The following ITPRID1 variants were observed in gnomAD, a reference collection of about 807,000 sequenced individuals.
ITPRID1 encodes ITPR interacting domain containing 1, also known as protein ITPRID1.
ITPRID1 carries 96 observed loss-of-function variants against 95.4 expected under a neutral mutation model. That is an observed-to-expected ratio of 1.01 (90% CI 0.85 to 1.19). ITPRID1 has a LOEUF of 1.19. Ranked by LOEUF, ITPRID1 falls within the 50% of genes most tolerant of loss-of-function variation. The pLI, the probability that ITPRID1 is intolerant of heterozygous loss-of-function variation, is 0.00. For missense variants in ITPRID1, 1,339 were observed against 1,252.9 expected, an observed-to-expected ratio of 1.07 and a Z score of -1.04; for synonymous variants, 510 against 453.6, an observed-to-expected ratio of 1.12 and a Z score of -1.58.
At chr7:31,569,711 A>G in intron 5 of ITPRID1, 47 bp from the exon 6 acceptor site, 1 of 1,520,330 alleles carries the variant, frequency 6.6e-7, no homozygotes, top group Non-Finnish European at 8.9e-7. Flanking sequence ...AATCTTCCGC[A>G]AGATAAAACG....
intron 10 of ITPRID1, among the ~76,000 whole-genome samples, chr7:31,583,405 C>T (rs1460163774): frequency 6.6e-6 from 1 of 152,046 alleles, no homozygotes; most frequent in African/African-American, 2.4e-5. Context: ...ACGTGGGGAT[C>T]GCCTGAGGTC....
At chr7:31,579,552 A>G (rs554496951) in intron 9 of ITPRID1, among the ~76,000 whole-genome samples, 1 of 152,268 alleles carries the variant, frequency 6.6e-6, no homozygotes, top group East Asian at 1.9e-4. Context: ...CTATACAGAC[A>G]TATTTTCGGG....
At chr7:31,558,380 C>T (rs1784520080) in intron 5 of ITPRID1, among the ~76,000 whole-genome samples, 2 of 152,180 alleles carry the variant, frequency 1.3e-5, no homozygotes, top group South Asian at 4.1e-4. Context: ...GTCACTGGCA[C>T]TTCTCCCTCC....
At chr7:31,640,414 T>C (rs80212578) in intron 10 of ITPRID1, among the ~76,000 whole-genome samples, 30,200 of 152,122 alleles carry the variant, frequency 0.2, 3,557 homozygotes, top group East Asian at 0.44. Flanking sequence ...CTCCTTCCTC[T>C]CCTCTGTGTG....
intron 10 of ITPRID1, among the ~76,000 whole-genome samples, chr7:31,632,773 TTAAG>T (rs1789129352): frequency 1.3e-5 from 2 of 152,242 alleles, no homozygotes; most frequent in Admixed American, 6.5e-5. Context: ...ACAGCAAGCA[TTAAG>T]TAAGAGCCTA....
chr7:31,521,163 A>C (rs117519183), intron 1 of ITPRID1, among the ~76,000 whole-genome samples: 1,799 of 152,104 alleles, frequency 0.012, 18 homozygotes, highest in Non-Finnish European at 0.019. Flanking sequence ...CTAAAGTAGA[A>C]ACTTAGACTG....
At chr7:31,628,025 A>G (rs1788634029) in intron 10 of ITPRID1, among the ~76,000 whole-genome samples, 1 of 152,200 alleles carries the variant, frequency 6.6e-6, no homozygotes, top group African/African-American at 2.4e-5. Flanking sequence ...GGTTAATAAG[A>G]GCAGAAAGTC....
At chr7:31,559,195 C>G (rs1583497064) in intron 5 of ITPRID1, among the ~76,000 whole-genome samples, 1 of 152,066 alleles carries the variant, frequency 6.6e-6, no homozygotes, top group East Asian at 1.9e-4. Flanking sequence ...AAATGAGCTC[C>G]CTTCCACTGC....
At chr7:31,566,325 G>C in intron 5 of ITPRID1, among the ~76,000 whole-genome samples, 1 of 152,202 alleles carries the variant, frequency 6.6e-6, no homozygotes, top group Non-Finnish European at 1.5e-5. Context: ...CCAGATCCCT[G>C]GCCTGATGTA....
intron 10 of ITPRID1, among the ~76,000 whole-genome samples, chr7:31,593,635 A>G (rs534691670): frequency 6.6e-6 from 1 of 152,318 alleles, no homozygotes; most frequent in Admixed American, 6.5e-5. Context: ...AATTTTCCTA[A>G]TTACTTTAAA....
intron 10 of ITPRID1, among the ~76,000 whole-genome samples, chr7:31,590,057 T>C (rs1234592338): frequency 6.6e-6 from 1 of 152,052 alleles, no homozygotes; most frequent in Non-Finnish European, 1.5e-5. Flanking sequence ...TGTGTGTATA[T>C]ATATACACAC....
At chr7:31,641,411 T>A (rs1562646826) in intron 10 of ITPRID1, among the ~76,000 whole-genome samples, 1 of 152,002 alleles carries the variant, frequency 6.6e-6, no homozygotes. Flanking sequence ...ACCCCCTTCC[T>A]CCTGAGAGAC....
chr7:31,545,658 G>A (rs1784073465), intron 1 of ITPRID1, among the ~76,000 whole-genome samples: 2 of 152,026 alleles, frequency 1.3e-5, no homozygotes, highest in South Asian at 4.1e-4. Flanking sequence ...TCCAGCTTGG[G>A]CACAACTGCC....
At chr7:31,522,019 C>CA (rs1331069906) in intron 1 of ITPRID1, among the ~76,000 whole-genome samples, 2 of 148,476 alleles carry the variant, frequency 1.3e-5, no homozygotes, top group South Asian at 2.1e-4. Context: ...GGAAAAAAAG[C>CA]AAAAACCAGA....
intron 1 of ITPRID1, among the ~76,000 whole-genome samples, chr7:31,540,843 A>G (rs1783911166): frequency 6.6e-6 from 1 of 152,052 alleles, no homozygotes; most frequent in Non-Finnish European, 1.5e-5. Context: ...CTGATCAGAA[A>G]CCCTCTACAG....
chr7:31,600,906 T>C (rs941471209), intron 10 of ITPRID1, among the ~76,000 whole-genome samples: 2 of 152,138 alleles, frequency 1.3e-5, no homozygotes, highest in African/African-American at 4.8e-5. Context: ...TGCCAAGTTA[T>C]CGTTTTTAAA....
intron 10 of ITPRID1, among the ~76,000 whole-genome samples, chr7:31,608,275 A>G (rs892139302): frequency 6.6e-6 from 1 of 151,960 alleles, no homozygotes; most frequent in Non-Finnish European, 1.5e-5. Context: ...CTTTGTAGTA[A>G]GTTTTAAATA....
At chr7:31,618,358 TC>T (rs5883297) in intron 10 of ITPRID1, among the ~76,000 whole-genome samples, 67,146 of 151,986 alleles carry the variant, frequency 0.44, 15,084 homozygotes, top group East Asian at 0.54. Flanking sequence ...GGGAGGTTCC[TC>T]CCCTGTCCTT....
At chr7:31,520,965 C>T (rs532762087) in intron 1 of ITPRID1, among the ~76,000 whole-genome samples, 48 of 151,754 alleles carry the variant, frequency 3.2e-4, no homozygotes, top group African/African-American at 1.0e-3. Flanking sequence ...CAAAGGCTGT[C>T]TTCTCTCTTT....
Sources: allele counts gnomAD v4.1 joint callset (sites outside exome capture counted in the v4.1 genomes callset), GRCh38; gene constraint gnomAD v4.1.1; transcripts MANE v1.5; gene names NCBI Gene and HGNC (gene_info 2026-07-23, HGNC 2026-07-21).